Variants in ARHGAP15 observed in about 807,000 individuals in gnomAD.
The protein encoded by ARHGAP15 is Rho GTPase activating protein 15.
A neutral mutation model predicts 63.7 loss-of-function variants in ARHGAP15; 51 were observed. That is an observed-to-expected ratio of 0.80 (90% CI 0.64 to 1.01). ARHGAP15 has a LOEUF of 1.01. Ranked by LOEUF, ARHGAP15 falls within the 50% of genes least tolerant of loss-of-function variation. The probability of loss-of-function intolerance (pLI) is 0.00; values close to 1 mark genes in which losing one functional copy is unlikely to be tolerated. For synonymous variants in ARHGAP15, 191 were observed against 193.8 expected, an observed-to-expected ratio of 0.99 and a Z score of 0.12; for missense variants, 560 against 564.6, an observed-to-expected ratio of 0.99 and a Z score of 0.08.
intron 6 of ARHGAP15, among the ~76,000 whole-genome samples, chr2:143,369,064 A>T (rs1162128566): frequency 1.3e-5 from 2 of 152,166 alleles, no homozygotes; most frequent in Non-Finnish European, 2.9e-5. Flanking sequence ...CCCAAAAAAC[A>T]ATAAAAAATA....
At chr2:143,764,604 C>T (rs1328636937) in intron 13 of ARHGAP15, among the ~76,000 whole-genome samples, 1 of 152,084 alleles carries the variant, frequency 6.6e-6, no homozygotes, top group Non-Finnish European at 1.5e-5. Flanking sequence ...GTTATCCCTC[C>T]ACCCACCCAA....
intron 12 of ARHGAP15, among the ~76,000 whole-genome samples, chr2:143,683,560 G>A (rs575478300): frequency 2.0e-5 from 3 of 152,220 alleles, no homozygotes; most frequent in African/African-American, 7.2e-5. Context: ...AATACACAAT[G>A]GCAGAAAGAA....
intron 6 of ARHGAP15, among the ~76,000 whole-genome samples, chr2:143,353,450 A>G (rs1685665524): frequency 6.6e-6 from 1 of 152,170 alleles, no homozygotes; most frequent in Non-Finnish European, 1.5e-5. Flanking sequence ...TTAATATCCC[A>G]CTGGTCTCTA....
intron 11 of ARHGAP15, among the ~76,000 whole-genome samples, chr2:143,581,709 G>A (rs1696915940): frequency 6.6e-6 from 1 of 152,166 alleles, no homozygotes; most frequent in Non-Finnish European, 1.5e-5. Flanking sequence ...GGAAAAAAAT[G>A]TAGGTTATAC....
intron 8 of ARHGAP15, among the ~76,000 whole-genome samples, chr2:143,438,360 A>T (rs1689710514): frequency 1.3e-5 from 2 of 152,194 alleles, no homozygotes; most frequent in African/African-American, 4.8e-5. Flanking sequence ...ATACACATAC[A>T]TGCACACAAA....
chr2:143,435,596 T>TTTTCA lies in ARHGAP15; in HGVS notation c.475-5_475-4insTTTCA. The TTTTCA allele has an allele frequency of 6.5e-7, 1 of 1,536,426 alleles. No individual in the cohort carries two copies. Among genetic ancestry groups the TTTTCA allele is most frequent in the Non-Finnish European group, 8.7e-7 (1 of 1,155,658 alleles). ...TATTTCTTTTTCTTTTTTTTTTTTT[T>TTTTCA]GCAGATCACAACAGTATCAGGAAAT... is the stretch of plus-strand genomic sequence containing the variant. On this transcript the variant is annotated splice_region_variant and splice_polypyrimidine_tract_variant and intron_variant, in intron 6 of 13. Transcript: ENST00000295095.
chr2:143,336,975 C>G (rs1684800468), intron 6 of ARHGAP15, among the ~76,000 whole-genome samples: 1 of 151,978 alleles, frequency 6.6e-6, no homozygotes, highest in Non-Finnish European at 1.5e-5. Context: ...GAAGAGGGCC[C>G]TAGATAGGTA....
chr2:143,497,092 G>A (rs895845939), intron 9 of ARHGAP15, among the ~76,000 whole-genome samples: 2 of 152,186 alleles, frequency 1.3e-5, no homozygotes, highest in African/African-American at 4.8e-5. Flanking sequence ...GCAGTAACAA[G>A]TGGAGGCAGG....
chr2:143,334,439 A>G (rs1000473566), intron 6 of ARHGAP15, among the ~76,000 whole-genome samples: 2 of 152,132 alleles, frequency 1.3e-5, no homozygotes, highest in East Asian at 1.9e-4. Flanking sequence ...TTGCACACAC[A>G]TATGTGTCCA....
intron 11 of ARHGAP15, among the ~76,000 whole-genome samples, chr2:143,622,134 G>A (rs1371010240): frequency 1.3e-5 from 2 of 152,100 alleles, no homozygotes; most frequent in African/African-American, 4.8e-5. Flanking sequence ...TAGAACATGT[G>A]TTAAGCTATT....
At chr2:143,464,410 AATTAC>A (rs1691106278) in intron 8 of ARHGAP15, among the ~76,000 whole-genome samples, 1 of 152,126 alleles carries the variant, frequency 6.6e-6, no homozygotes, top group African/African-American at 2.4e-5. Flanking sequence ...AAACAGAACA[AATTAC>A]ATTAGCGATT....
intron 6 of ARHGAP15, among the ~76,000 whole-genome samples, chr2:143,266,802 A>T (rs1033514367): frequency 5.3e-5 from 8 of 152,192 alleles, no homozygotes; most frequent in African/African-American, 1.9e-4. Context: ...AATGAAGAAA[A>T]TACTAACAGG....
intron 1 of ARHGAP15, among the ~76,000 whole-genome samples, chr2:143,139,728 G>A (rs1260368619): frequency 1.3e-5 from 2 of 152,054 alleles, no homozygotes; most frequent in African/African-American, 2.4e-5. Flanking sequence ...ACACATTTCA[G>A]GTATAACCAT....
At chr2:143,230,242 C>G (rs570045580) in intron 5 of ARHGAP15, among the ~76,000 whole-genome samples, 1 of 152,056 alleles carries the variant, frequency 6.6e-6, no homozygotes, top group Admixed American at 6.6e-5. Flanking sequence ...AGAGTTTATG[C>G]GAATGTGTGG....
chr2:143,336,257 T>C (rs180907280), intron 6 of ARHGAP15, among the ~76,000 whole-genome samples: 1,846 of 152,140 alleles, frequency 0.012, 22 homozygotes, highest in Non-Finnish European at 0.016. Context: ...AACTTGGATG[T>C]TTTTCCCTGG....
At chr2:143,364,511 G>A (rs749383411) in intron 6 of ARHGAP15, among the ~76,000 whole-genome samples, 4 of 152,120 alleles carry the variant, frequency 2.6e-5, no homozygotes, top group Admixed American at 6.5e-5. Context: ...CTTATAATAT[G>A]TGCTAGACAA....
intron 6 of ARHGAP15, among the ~76,000 whole-genome samples, chr2:143,434,624 T>G (rs1689529011): frequency 6.6e-6 from 1 of 152,132 alleles, no homozygotes; most frequent in Non-Finnish European, 1.5e-5. Context: ...GATTGAGTAT[T>G]TTGAAATGTC....
chr2:143,240,568 T>C lies in ARHGAP15; in HGVS notation c.385-9943T>C, dbSNP rs181333348. 8.1e-4 allele frequency among the ~76,000 whole-genome samples: 124 copies of C among 152,318 alleles called. 1 individual carries two copies. Among genetic ancestry groups the C allele is most frequent in the Non-Finnish European group, 1.6e-3 (107 of 68,018 alleles). The stretch of plus-strand genomic sequence containing the variant: ...AGACTAATGAAGGCATTTTAAAATC[T>C]CTGTTTAATCATTTAATTCTCATAA... On this transcript the variant is annotated intron_variant, in intron 5 of 13. Transcript: ENST00000295095.
At chr2:143,745,243 T>C (rs1686118018) in intron 13 of ARHGAP15, among the ~76,000 whole-genome samples, 1 of 152,248 alleles carries the variant, frequency 6.6e-6, no homozygotes, top group African/African-American at 2.4e-5. Context: ...GGCACATTCC[T>C]GGCATACATG....
Sources: gnomAD v4.1 joint callset for allele counts (sites outside exome capture counted in the v4.1 genomes callset) on GRCh38, gnomAD v4.1.1 for gene constraint, MANE v1.5 for transcripts, NCBI Gene and HGNC (gene_info 2026-07-23, HGNC 2026-07-21) for gene names.